The following CDH4 variants were observed in gnomAD, a reference collection of about 807,000 sequenced individuals.
The protein encoded by CDH4 is cadherin 4.
CDH4 carries 33 observed loss-of-function variants against 86.0 expected under a neutral mutation model. The ratio of observed to expected loss-of-function variants is 0.38; its 90% CI spans 0.29 to 0.51. CDH4 has a LOEUF of 0.51. Ranked by LOEUF, CDH4 falls within the 20% of genes least tolerant of loss-of-function variation. CDH4 has a pLI of 0.86. For synonymous variants in CDH4, 555 were observed against 549.4 expected, an observed-to-expected ratio of 1.01 and a Z score of -0.14; for missense variants, 1,114 against 1,307.4, an observed-to-expected ratio of 0.85 and a Z score of 2.28.
intron 2 of CDH4, among the ~76,000 whole-genome samples, chr20:61,734,496 G>A (rs6121788): frequency 0.15 from 22,731 of 152,254 alleles, 1,773 homozygotes; most frequent in Admixed American, 0.17. Flanking sequence ...TCTACTACAC[G>A]GGATCTGGAG....
chr20:61,728,013 G>A (rs115920260), intron 2 of CDH4, among the ~76,000 whole-genome samples: 4 of 152,322 alleles, frequency 2.6e-5, no homozygotes, highest in Non-Finnish European at 4.4e-5. Flanking sequence ...AAGCACCTGC[G>A]CCTCTTCATT....
At chr20:61,317,186 G>A (rs1313411128) in intron 2 of CDH4, among the ~76,000 whole-genome samples, 1 of 152,104 alleles carries the variant, frequency 6.6e-6, no homozygotes, top group African/African-American at 2.4e-5. Context: ...AGACCATCCT[G>A]GCTAACACGG....
chr20:61,853,405 G>A (rs775159390), intron 6 of CDH4, among the ~76,000 whole-genome samples: 58 of 152,292 alleles, frequency 3.8e-4, no homozygotes, highest in Non-Finnish European at 7.1e-4. Flanking sequence ...AACGGGAAGC[G>A]AGAGAGGCCC....
Position 61,938,531 on chromosome 20 carries a change from C to G in CDH4, c.*1588C>G, listed in dbSNP as rs1205615869. The G allele has an allele frequency of 3.9e-5, 6 of 152,452 alleles. No individual in the cohort carries two copies. The highest frequency in any genetic ancestry group is 1.4e-4 in the African/African-American group (6 of 41,478). 9.4% of individuals were successfully genotyped at this position (152,452 alleles called of 1,614,324 possible). A position where few individuals can be genotyped will look rare whatever the true frequency, so the allele number is the denominator to read the frequency against. ...GGAAGGAGGTGAGGTACCAGGGACC[C>G]TGGGCAGGACCTGGTGTCGGGCAGG... On this transcript the variant is annotated 3_prime_UTR_variant, in exon 16 of 16. Transcript: ENST00000614565.
At chr20:61,346,356 G>T (rs1333215439) in intron 2 of CDH4, among the ~76,000 whole-genome samples, 2 of 152,186 alleles carry the variant, frequency 1.3e-5, no homozygotes, top group Non-Finnish European at 2.9e-5. Context: ...AGCCATGGGA[G>T]CCCCAGCAAG....
chr20:61,326,695 G>A (rs947730803), intron 2 of CDH4, among the ~76,000 whole-genome samples: 4 of 152,172 alleles, frequency 2.6e-5, no homozygotes, highest in African/African-American at 4.8e-5. Context: ...TGAGTGTCGG[G>A]TGGTGAAATT....
intron 2 of CDH4, among the ~76,000 whole-genome samples, chr20:61,620,839 C>G (rs1451719340): frequency 6.6e-6 from 1 of 152,202 alleles, no homozygotes; most frequent in Non-Finnish European, 1.5e-5. Flanking sequence ...GCCATGCCAT[C>G]CCGGTTATCA....
At position 61,754,113 on chromosome 20, in the gene CDH4, A is replaced by G. The variant is rs1405575218; in HGVS notation, c.396+10324A>G. 6.6e-6 allele frequency among the ~76,000 whole-genome samples: 1 copy of G among 152,152 alleles called. No homozygotes were observed. Among genetic ancestry groups the G allele is most frequent in the Non-Finnish European group, 1.5e-5 (1 of 68,002 alleles). ...GAAGATTGTGGCACCACCAGGAGCCAGGAGAGACGCCCAGAGCAGATTCTC... is the reference window on the plus strand; with the variant it reads ...GAAGATTGTGGCACCACCAGGAGCCGGGAGAGACGCCCAGAGCAGATTCTC... On this transcript the variant is annotated intron_variant, in intron 3 of 15. Transcript: ENST00000614565. This position sits in a 1 kb window ranked among gnomAD's most constrained non-coding sequence, Gnocchi z 4.7.
At chr20:61,680,954 T>TG (rs1243140927) in intron 2 of CDH4, among the ~76,000 whole-genome samples, 1 of 152,060 alleles carries the variant, frequency 6.6e-6, no homozygotes, top group Non-Finnish European at 1.5e-5. Context: ...GCTAGCTCTC[T>TG]GGGCAGTGAG....
At chr20:61,730,230 G>A (rs1300442526) in intron 2 of CDH4, among the ~76,000 whole-genome samples, 1 of 152,038 alleles carries the variant, frequency 6.6e-6, no homozygotes, top group African/African-American at 2.4e-5. Context: ...CAAATGCATG[G>A]TGGGTTTGGA....
At chr20:61,830,515 G>A (rs758018619) in intron 4 of CDH4, among the ~76,000 whole-genome samples, 13 of 152,106 alleles carry the variant, frequency 8.5e-5, no homozygotes, top group Admixed American at 5.9e-4. Context: ...AGGTTGCCCC[G>A]TTTCTGCTGC....
At chr20:61,924,522 G>A (rs770759743) in intron 11 of CDH4, 46 bp downstream of exon 11, 7 of 1,588,776 alleles carry the variant, frequency 4.4e-6, no homozygotes, top group African/African-American at 1.3e-5. Context: ...GCCTTCCCGT[G>A]TCCTGGGTTC....
At chr20:61,383,485 T>C in intron 2 of CDH4, among the ~76,000 whole-genome samples, 1 of 83,240 alleles carries the variant, frequency 1.2e-5, no homozygotes, top group East Asian at 3.1e-4. Flanking sequence ...ATATATGATA[T>C]ATATGAAATA....
At chr20:61,921,726 T>TG (rs11393647) in intron 9 of CDH4, among the ~76,000 whole-genome samples, 150,662 of 150,666 alleles carry the variant, frequency 1, 75,329 homozygotes, top group Middle Eastern at 1. Context: ...CACTCCAGCC[T>TG]GGCAATGGAG....
intron 7 of CDH4, among the ~76,000 whole-genome samples, chr20:61,889,594 TG>T (rs1984708820): frequency 3.5e-4 from 2 of 5,750 alleles, no homozygotes; most frequent in Non-Finnish European, 1.6e-3. Flanking sequence ...AGTTAGTGGA[TG>T]GATGGATGAT....
chr20:61,434,236 ATGG>A (rs1372936347), intron 2 of CDH4, among the ~76,000 whole-genome samples: 2 of 152,152 alleles, frequency 1.3e-5, no homozygotes, highest in African/African-American at 2.4e-5. Flanking sequence ...CACACCCACC[ATGG>A]TTTTGCTGAA....
intron 2 of CDH4, among the ~76,000 whole-genome samples, chr20:61,612,762 G>A (rs1406256180): frequency 2.0e-5 from 3 of 152,108 alleles, no homozygotes; most frequent in Admixed American, 6.5e-5. Context: ...CCTAGTTTCT[G>A]CTAATGTGAC....
At chr20:61,317,537 C>T (rs1233647350) in intron 2 of CDH4, among the ~76,000 whole-genome samples, 1 of 152,158 alleles carries the variant, frequency 6.6e-6, no homozygotes, top group East Asian at 1.9e-4. Context: ...CTGCATTCAC[C>T]ATTGCTCCAG....
At chr20:61,294,874 T>A (rs1227591385) in intron 2 of CDH4, among the ~76,000 whole-genome samples, 2 of 152,230 alleles carry the variant, frequency 1.3e-5, no homozygotes, top group African/African-American at 4.8e-5. Context: ...ATTCTAAACC[T>A]GGCTGGTGCA....
Sources: allele counts gnomAD v4.1 joint callset (sites outside exome capture counted in the v4.1 genomes callset), GRCh38; gene constraint gnomAD v4.1.1; non-coding constraint Gnocchi (gnomAD v3.1); transcripts MANE v1.5; gene names NCBI Gene and HGNC (gene_info 2026-07-23, HGNC 2026-07-21).